The following TLR5 variants were observed in gnomAD, a reference collection of about 807,000 sequenced individuals.
TLR5 encodes the protein toll-like receptor 5.
For missense variants in TLR5, 944 were observed against 999.8 expected (o/e 0.94, Z 0.75); for synonymous variants, 373 against 384.4 (o/e 0.97, Z 0.35).
chr1:223,110,118 G>T lies in TLR5; in HGVS notation c.*337C>A, dbSNP rs1268188472. 9.0e-6 allele frequency: 3 copies of T among 331,670 alleles called. No individual in the cohort carries two copies. In the East Asian group the frequency reaches 2.1e-4, roughly 24 times the overall value. 20.5% of individuals were successfully genotyped at this position (331,670 alleles called of 1,614,324 possible). A position where few individuals can be genotyped will look rare whatever the true frequency, so the allele number is the denominator to read the frequency against. On this transcript the variant is annotated 3_prime_UTR_variant, in exon 6 of 6. Transcript: ENST00000642603. ...GCTGAATGCTAGAGAAAGCACGTCA[G>T]CCATCTGCAACTTCTCCCAAGGTGC...
intron 5 of TLR5, among the ~76,000 whole-genome samples, chr1:223,130,973 C>T (rs1571757972): frequency 6.6e-6 from 1 of 152,156 alleles, no homozygotes; most frequent in East Asian, 1.9e-4. Context: ...AATTTCACGT[C>T]AGGATGCCTC....
chr1:223,111,974 C>A lies in TLR5; in HGVS notation c.1058G>T (p.Ser353Ile), dbSNP rs1656368375. 6.2e-7 allele frequency: 1 copy of A among 1,614,202 alleles called. No individual in the cohort carries two copies. The highest frequency in any genetic ancestry group is 8.5e-7 in the Non-Finnish European group (1 of 1,180,040). Residue 353 changes from serine to isoleucine, a missense_variant, in exon 6 of 6, where the codon AGT (serine) becomes ATT (isoleucine). Coordinates refer to ENST00000642603, the MANE Select transcript of TLR5 (RefSeq NM_003268.6). Reference protein sequence around the residue: ...LSYNLLGELYSSNFYGLPKVA... With the variant: ...LSYNLLGELYISNFYGLPKVA... ...CTTAGGTAGTCCATAGAAATTCGAA[C>A]TGTAAAGTTCCCCCAGAAGGTTATA...
At position 223,141,732 on chromosome 1, in the gene TLR5, C is replaced by T. The variant is rs1657847726; in HGVS notation, c.-523G>A. On this transcript the variant is annotated 5_prime_UTR_variant, in exon 2 of 6. Transcript: ENST00000642603. The stretch of plus-strand genomic sequence containing the variant: ...TGGTTGCAGTCAGCCGAGATTGTGT[C>T]ACTGCAGTCCAGCCTGGGCGGCAGA... The T allele has an allele frequency of 6.8e-6, 1 of 146,706 alleles. No homozygotes were observed. Among genetic ancestry groups the T allele is most frequent in the Non-Finnish European group, 1.5e-5 (1 of 67,066 alleles). The allele number at this position is 146,706 out of a possible 1,614,324, so 9.1% of individuals were successfully genotyped here. A position where few individuals can be genotyped will look rare whatever the true frequency, so the allele number is the denominator to read the frequency against.
At chr1:223,122,515 A>C (rs1350681154) in intron 5 of TLR5, among the ~76,000 whole-genome samples, 1 of 152,214 alleles carries the variant, frequency 6.6e-6, no homozygotes, top group Non-Finnish European at 1.5e-5. Context: ...TTGACACCCA[A>C]GGAGGAAAAT....
At chr1:223,129,470 T>C (rs929752070) in intron 5 of TLR5, 13 of 152,288 alleles carry the variant, frequency 8.5e-5, no homozygotes, top group African/African-American at 3.1e-4. Flanking sequence ...CGGAGCGCGC[T>C]GCTGCCCTCT....
At chr1:223,141,489 T>G (rs1436584538) in intron 2 of TLR5, 159 bp downstream of exon 2, 1 of 152,056 alleles carries the variant, frequency 6.6e-6, no homozygotes, top group Admixed American at 6.6e-5. Flanking sequence ...TAGATTATTT[T>G]TGGCCCAGCA....
intron 3 of TLR5, among the ~76,000 whole-genome samples, chr1:223,135,408 G>A (rs1160922494): frequency 1.3e-5 from 2 of 152,154 alleles, no homozygotes; most frequent in African/African-American, 2.4e-5. Flanking sequence ...TCTGAGTCAG[G>A]GCAGGGAGTC....
At position 223,112,434 on chromosome 1, in the gene TLR5, A is replaced by G; in HGVS notation, c.598T>C (p.Phe200Leu). 1 of 1,614,248 alleles carries G rather than the reference A, an allele frequency of 6.2e-7. No individual in the cohort carries two copies. Among genetic ancestry groups the G allele is most frequent in the Non-Finnish European group, 8.5e-7 (1 of 1,180,038 alleles). The change falls in exon 6 of 6, where the codon TTT becomes CTT. Residue 200 changes from phenylalanine (F) to leucine (L), a missense_variant. Phe to Leu is a conservative substitution (Grantham distance 22). Transcript: ENST00000642603. ...AAGCTATTAGCTGCGAGGCTAAAAA[A>G]GGAGAGCGTTTTCCCTTGTAGGGGC... ...LEPLQGKTLS[F>L]FSLAANSLYS...
chr1:223,111,032 C>T lies in TLR5; in HGVS notation c.2000G>A (p.Cys667Tyr). 1 of 1,614,180 alleles carries T rather than the reference C, an allele frequency of 6.2e-7. No individual in the cohort carries two copies. Among genetic ancestry groups the T allele is most frequent in the East Asian group, 2.2e-5 (1 of 44,880 alleles). ...ILTVTKFRGF[C>Y]FICYKTAQRL... The stretch of plus-strand genomic sequence containing the variant: ...CTGGGCTGTCTTATAACAGATAAAA[C>T]AGAAGCCCCGGAACTTTGTGACTGT... The change falls in exon 6 of 6, where the codon TGT (cysteine) becomes TAT (tyrosine). Residue 667 changes from cysteine to tyrosine, a missense_variant. By Grantham distance (194) the Cys-to-Tyr change is radical (BLOSUM62 -2). Coordinates refer to ENST00000642603, the MANE Select transcript of TLR5 (RefSeq NM_003268.6).
chr1:223,133,089 G>A (rs851178), intron 4 of TLR5, among the ~76,000 whole-genome samples: 98,132 of 152,080 alleles, frequency 0.65, 32,545 homozygotes, highest in East Asian at 0.79. Context: ...ATTTCTAAGC[G>A]GTACATCTAG....
At chr1:223,140,151 A>G (rs1034895578) in intron 2 of TLR5, among the ~76,000 whole-genome samples, 1 of 152,166 alleles carries the variant, frequency 6.6e-6, no homozygotes, top group African/African-American at 2.4e-5. Context: ...TCTTCACTGG[A>G]GAAGGTGCCA....
rs908605936 is a variant in TLR5, at chr1:223,131,485, C to T, written c.-5+990G>A. Among the ~76,000 whole-genome samples, 26 of 152,220 alleles carry T rather than the reference C, an allele frequency of 1.7e-4. No homozygotes were observed. The highest frequency in any genetic ancestry group is 5.8e-4 in the African/African-American group (24 of 41,448). ...TCTGCTCATCCCATTCCAACTCCCC[C>T]GTCAAAGGCCACCTCAGAAGCCACC... On this transcript the variant is annotated intron_variant, in intron 5 of 5. Coordinates refer to ENST00000642603, the MANE Select transcript of TLR5 (RefSeq NM_003268.6). The surrounding 1 kb of genome is among the most constrained non-coding windows in gnomAD (Gnocchi z 4.2).
intron 5 of TLR5, among the ~76,000 whole-genome samples, chr1:223,115,646 T>TAAGAC (rs141084293): frequency 2.0e-5 from 3 of 151,590 alleles, no homozygotes; most frequent in Non-Finnish European, 2.9e-5. Context: ...GAAGAGGTGA[T>TAAGAC]AACAAAAGGA....
In TLR5 at chr1:223,110,833, G is replaced by T; in HGVS notation, c.2199C>A (p.Asp733Glu). The T allele has an allele frequency of 6.2e-7, 1 of 1,614,232 alleles. No individual in the cohort carries two copies. Among genetic ancestry groups the T allele is most frequent in the Non-Finnish European group, 8.5e-7 (1 of 1,180,038 alleles). ...CAATGCGGTTTTCTCCTGGGACAAAGTCTCTTTCTTCAAAGCACAGGTTGA... is the reference window on the plus strand; with the variant it reads ...CAATGCGGTTTTCTCCTGGGACAAATTCTCTTTCTTCAAAGCACAGGTTGA... ...NRFNLCFEER[D>E]FVPGENRIAN... Residue 733 changes from aspartate to glutamate, a missense_variant, in exon 6 of 6, where the codon GAC becomes GAA. Asp to Glu is a conservative substitution (Grantham distance 45). Coordinates refer to ENST00000642603, the MANE Select transcript of TLR5 (RefSeq NM_003268.6).
At chr1:223,127,913 A>C (rs1657234831) in intron 5 of TLR5, 1 of 152,612 alleles carries the variant, frequency 6.6e-6, no homozygotes, top group Non-Finnish European at 1.5e-5. Context: ...CAGCAGCAGC[A>C]CCTGGGCTTA....
intron 5 of TLR5, among the ~76,000 whole-genome samples, chr1:223,115,747 G>C (rs1656600365): frequency 1.3e-5 from 2 of 152,176 alleles, no homozygotes; most frequent in Admixed American, 1.3e-4. Context: ...CTCGGGTGGT[G>C]GCTGCTGTTT....
chr1:223,116,286 G>A (rs1656640540), intron 5 of TLR5, among the ~76,000 whole-genome samples: 1 of 152,084 alleles, frequency 6.6e-6, no homozygotes, highest in African/African-American at 2.4e-5. Context: ...TCTGATGTTT[G>A]GACGTGTTCG....
intron 2 of TLR5, among the ~76,000 whole-genome samples, chr1:223,139,714 C>G (rs368971643): frequency 6.6e-6 from 1 of 152,100 alleles, no homozygotes; most frequent in East Asian, 1.9e-4. Flanking sequence ...CAAGAAGACT[C>G]TAGAATTCTA....
intron 5 of TLR5, chr1:223,128,993 C>T (rs1027007109): frequency 6.6e-6 from 1 of 152,442 alleles, no homozygotes; most frequent in East Asian, 1.9e-4. Flanking sequence ...ACCTTCCTCA[C>T]AACCGCCCTC....
Sources: gnomAD v4.1 joint callset for allele counts (sites outside exome capture counted in the v4.1 genomes callset) on GRCh38, gnomAD v4.1.1 for gene constraint, Gnocchi (gnomAD v3.1) non-coding constraint, MANE v1.5 for transcripts, NCBI Gene and HGNC (gene_info 2026-07-23, HGNC 2026-07-21) for gene names.